Variants in NCKAP5 observed in about 807,000 individuals in gnomAD.
NCKAP5 encodes the protein nck-associated protein 5.
A neutral mutation model predicts 167.0 loss-of-function variants in NCKAP5; 92 were observed. That is an observed-to-expected ratio of 0.55 (90% confidence interval 0.47 to 0.66). The LOEUF (loss-of-function observed/expected upper bound fraction) is 0.66, where lower values mean the gene tolerates loss of function less well. Among genes scored for constraint, NCKAP5 ranks in the 30% least tolerant of loss-of-function variants. The pLI is 0.00. For missense variants in NCKAP5, 2,378 were observed against 2,315.0 expected (o/e 1.03, Z -0.56); for synonymous variants, 891 against 877.4 (o/e 1.02, Z -0.27).
rs141048147 is a variant in NCKAP5, at chr2:133,003,132, T to C, written c.342-8893A>G. Among the ~76,000 whole-genome samples the C allele has an allele frequency of 7.1e-3, 1,075 of 152,318 alleles. 9 individuals are homozygous for C. Among genetic ancestry groups the C allele is most frequent in the African/African-American group, 0.017 (705 of 41,576 alleles). On this transcript the variant is annotated intron_variant, in intron 6 of 19. Transcript: ENST00000409261. Reference sequence around the variant, plus strand: ...AAAGGTTCTAGATTCAATCCCTAACTTACCACTGTCGGCTCCTGGCAGACT... The same window carrying C: ...AAAGGTTCTAGATTCAATCCCTAACCTACCACTGTCGGCTCCTGGCAGACT...
At chr2:133,164,488 A>C (rs2083923164) in intron 5 of NCKAP5, among the ~76,000 whole-genome samples, 1 of 152,220 alleles carries the variant, frequency 6.6e-6, no homozygotes. Context: ...ATTGCAGAGC[A>C]CTAAACAAAT....
chr2:133,253,131 C>A (rs1327691192), intron 4 of NCKAP5, among the ~76,000 whole-genome samples: 1 of 152,208 alleles, frequency 6.6e-6, no homozygotes, highest in African/African-American at 2.4e-5. Flanking sequence ...GGCAAGCAAT[C>A]CCCAACTTTT....
intron 6 of NCKAP5, among the ~76,000 whole-genome samples, chr2:133,064,892 A>T (rs1352127829): frequency 3.9e-5 from 6 of 152,232 alleles, no homozygotes. Context: ...TATTAAAGTG[A>T]ATGGACTACT....
chr2:133,427,747 T>C lies in NCKAP5; in HGVS notation c.69+89711A>G, dbSNP rs559047060. On this transcript the variant is annotated intron_variant, in intron 3 of 19. Transcript: ENST00000409261. ...TTATTTTAGTGATATAAAAATATGT[T>C]AGCATTAAAAAATCTATCAATTAAA... Among the ~76,000 whole-genome samples, 5 of 152,262 alleles carry C rather than the reference T, an allele frequency of 3.3e-5. No individual in the cohort carries two copies. The South Asian group carries it at 6.2e-4, about 19-fold the overall frequency.
At chr2:133,510,524 G>T (rs1452500229) in intron 3 of NCKAP5, among the ~76,000 whole-genome samples, 1 of 152,108 alleles carries the variant, frequency 6.6e-6, no homozygotes, top group Non-Finnish European at 1.5e-5. Context: ...TTCCTTATAA[G>T]TCTCCCCTTC....
rs1384030756 is a variant in NCKAP5, at chr2:132,783,123, G to A, written c.3688C>T (p.Gln1230Ter). 7 of 1,613,708 alleles carry A rather than the reference G, an allele frequency of 4.3e-6. No homozygotes were observed. The highest frequency in any genetic ancestry group is 5.1e-6 in the Non-Finnish European group (6 of 1,179,796). Residue 1230 changes from glutamine to a stop codon, truncating the protein, a stop_gained, in exon 14 of 20, where the codon CAA becomes TAA. Coordinates refer to ENST00000409261, the MANE Select transcript of NCKAP5 (RefSeq NM_207363.3). LOFTEE classifies it high-confidence loss of function. ...GGGATGCTACTTTCCAATGGCTCTTGTAGTGCTGTTTCCAGGGGAAGCCCA... is the reference window on the plus strand; with the variant it reads ...GGGATGCTACTTTCCAATGGCTCTTATAGTGCTGTTTCCAGGGGAAGCCCA... ...ADGLPLETALQEPLESSIPGS... is the reference protein window; with the variant it reads ...ADGLPLETAL
intron 3 of NCKAP5, among the ~76,000 whole-genome samples, chr2:133,417,709 A>T (rs1022690827): frequency 2.4e-5 from 3 of 126,898 alleles, no homozygotes; most frequent in Non-Finnish European, 5.3e-5. Flanking sequence ...ATGGAACAAC[A>T]GGACCTGGGA....
intron 19 of NCKAP5, among the ~76,000 whole-genome samples, chr2:132,711,335 G>A (rs1688829261): frequency 6.6e-6 from 1 of 152,114 alleles, no homozygotes; most frequent in Admixed American, 6.5e-5. Flanking sequence ...GCCTTTCTTG[G>A]GAAATTTATT....
chr2:133,593,523 A>ATT, the NCKAP5 span, among the ~76,000 whole-genome samples: 1 of 152,020 alleles, frequency 6.6e-6, no homozygotes, highest in African/African-American at 2.4e-5. Flanking sequence ...TTAAAATTTT[A>ATT]TTTTTTTTAA....
Position 132,782,461 on chromosome 2 carries a change from C to T in NCKAP5, c.4350G>A (p.Arg1450=). The change falls in exon 14 of 20, where the codon AGG becomes AGA. Residue 1450 remains arginine (R), a synonymous_variant. Coordinates refer to ENST00000409261, the MANE Select transcript of NCKAP5 (RefSeq NM_207363.3). ...SSTSKLETSG[R]HPDASATATD... Reference sequence around the variant, plus strand: ...TCGCGGTTGCAGAGGCATCTGGATGCCTTCCAGAAGTTTCTAGCTTGGATG... The same window carrying T: ...TCGCGGTTGCAGAGGCATCTGGATGTCTTCCAGAAGTTTCTAGCTTGGATG... The T allele has an allele frequency of 2.5e-6, 4 of 1,613,202 alleles. No individual in the cohort carries two copies. The highest frequency in any genetic ancestry group is 3.4e-6 in the Non-Finnish European group (4 of 1,179,628).
intron 5 of NCKAP5, among the ~76,000 whole-genome samples, chr2:133,204,164 C>T (rs1306088190): frequency 6.6e-6 from 1 of 152,104 alleles, no homozygotes; most frequent in African/African-American, 2.4e-5. Context: ...CTTCTACTTT[C>T]TTGTGTCTTC....
intron 19 of NCKAP5, among the ~76,000 whole-genome samples, chr2:132,705,819 G>T (rs1029018352): frequency 3.3e-5 from 5 of 152,162 alleles, no homozygotes; most frequent in Non-Finnish European, 7.4e-5. Flanking sequence ...ACCTAAGGAC[G>T]TCAAGGCCCA....
intron 11 of NCKAP5, among the ~76,000 whole-genome samples, chr2:132,841,256 G>T: frequency 6.6e-6 from 1 of 152,058 alleles, no homozygotes; most frequent in Middle Eastern, 3.4e-3. Context: ...TTACCATGTG[G>T]CTAAATTTAT....
chr2:133,637,014 T>C, the NCKAP5 span, among the ~76,000 whole-genome samples: 1 of 151,876 alleles, frequency 6.6e-6, no homozygotes, highest in African/African-American at 2.4e-5. Context: ...ACAAATATTT[T>C]ATGGGATTTT....
chr2:132,794,303 GAGA>G lies in NCKAP5; in HGVS notation c.909+2322_909+2324del, dbSNP rs751292974. Among the ~76,000 whole-genome samples the G allele has an allele frequency of 1.3e-3, 158 of 119,206 alleles. 3 individuals are homozygous for G. The highest frequency in any genetic ancestry group is 4.9e-3 in the Middle Eastern group (1 of 204). The allele number at this position is 119,206 out of a possible 152,430, so 78.2% of individuals were successfully genotyped here. On this transcript the variant is annotated intron_variant, in intron 12 of 19. Coordinates refer to ENST00000409261, the MANE Select transcript of NCKAP5 (RefSeq NM_207363.3). ...AGAGAGAGAGAGAGAGAGAGAGAGA[GAGA>G]GGGTGGCGGGAAGAGAGAGAGAAAG...
chr2:132,839,784 G>T (rs1229443054), intron 11 of NCKAP5, among the ~76,000 whole-genome samples: 4 of 139,168 alleles, frequency 2.9e-5, no homozygotes, highest in East Asian at 2.1e-4. Flanking sequence ...AAAAAAAGGC[G>T]CAAATAACTA....
Position 132,783,867 on chromosome 2 carries a change from TA to T in NCKAP5, c.2943del (p.Ile982PhefsTer50). The T allele has an allele frequency of 6.5e-7, 1 of 1,530,772 alleles. No homozygotes were observed. The allele number at this position is 1,530,772 out of a possible 1,614,324, so 94.8% of individuals were successfully genotyped here. On this transcript the variant is annotated frameshift_variant, in exon 14 of 20. Transcript: ENST00000409261. LOFTEE classifies it high-confidence loss of function. ...TCTGTCGTGGCCGGATTAGAAGAAATAACTGGAGCAGAAATTCCTTTCAGCA... is the reference window on the plus strand; with the variant it reads ...TCTGTCGTGGCCGGATTAGAAGAAATACTGGAGCAGAAATTCCTTTCAGCA... ...SPLLKGISAP[V>X]ISSNPATTEV...
intron 4 of NCKAP5, among the ~76,000 whole-genome samples, chr2:133,253,704 A>G (rs554793369): frequency 6.6e-5 from 10 of 152,346 alleles, no homozygotes; most frequent in Non-Finnish European, 2.9e-5. Context: ...CAGTTTCCTT[A>G]TATGTAAAAT....
the NCKAP5 span, among the ~76,000 whole-genome samples, chr2:133,617,336 T>C: frequency 2.6e-5 from 4 of 151,872 alleles, no homozygotes; most frequent in African/African-American, 9.7e-5. Context: ...TAAAAGGCAT[T>C]CAATTAGGAA....
Sources: allele counts gnomAD v4.1 joint callset (sites outside exome capture counted in the v4.1 genomes callset), GRCh38; gene constraint gnomAD v4.1.1; transcripts MANE v1.5; gene names NCBI Gene and HGNC (gene_info 2026-07-23, HGNC 2026-07-21).